FUT8: variants seen among roughly 807,000 people sequenced by gnomAD.
FUT8 encodes the protein fucosyltransferase 8.
FUT8 carries 29 observed loss-of-function variants against 71.3 expected under a neutral mutation model. The ratio of observed to expected loss-of-function variants is 0.41; its 90% CI spans 0.30 to 0.55. The LOEUF is 0.55. FUT8 is among the 20% of genes least tolerant of loss of function. The pLI, the probability that FUT8 is intolerant of heterozygous loss-of-function variation, is 0.34. For synonymous variants in FUT8, 254 were observed against 239.3 expected (o/e 1.06, Z -0.57); for missense variants, 544 against 702.1 (o/e 0.77, Z 2.55).
intron 3 of FUT8, among the ~76,000 whole-genome samples, chr14:65,566,784 C>T (rs1886218766): frequency 6.6e-6 from 1 of 151,954 alleles, no homozygotes; most frequent in Non-Finnish European, 1.5e-5. Flanking sequence ...TGTTAGAACA[C>T]ATGTAGTGGG....
intron 3 of FUT8, 29 bp downstream of exon 3, chr14:65,561,795 G>C (rs1420930047): frequency 1.3e-6 from 2 of 1,559,580 alleles, no homozygotes; most frequent in Non-Finnish European, 1.8e-6. Context: ...AATGAAGAAT[G>C]ATGAAATATT....
chr14:65,655,535 A>G (rs1396673526), intron 6 of FUT8, among the ~76,000 whole-genome samples: 1 of 152,058 alleles, frequency 6.6e-6, no homozygotes, highest in Non-Finnish European at 1.5e-5. Context: ...TAGACTTCAG[A>G]GCAAAGAAAA....
intron 2 of FUT8, among the ~76,000 whole-genome samples, chr14:65,555,040 T>C (rs1805912332): frequency 1.3e-5 from 2 of 152,180 alleles, no homozygotes; most frequent in African/African-American, 4.8e-5. Context: ...TAGACTTTGG[T>C]TTATGAGCCA....
At chr14:65,632,590 G>C (rs1771534605) in intron 6 of FUT8, among the ~76,000 whole-genome samples, 1 of 151,798 alleles carries the variant, frequency 6.6e-6, no homozygotes, top group Non-Finnish European at 1.5e-5. Context: ...TTACTGGTTT[G>C]AGTTCTTTGT....
chr14:65,656,094 TTACTC>T (rs1262015775), intron 6 of FUT8, among the ~76,000 whole-genome samples: 1 of 152,070 alleles, frequency 6.6e-6, no homozygotes, highest in Non-Finnish European at 1.5e-5. Context: ...ATAGTGCTGA[TTACTC>T]TAGGTAGAGT....
chr14:65,420,205 T>G (rs1325795994), intron 1 of FUT8, among the ~76,000 whole-genome samples: 1 of 152,128 alleles, frequency 6.6e-6, no homozygotes, highest in Non-Finnish European at 1.5e-5. Flanking sequence ...GAAAATAAAA[T>G]TACCAAAGAA....
intron 2 of FUT8, among the ~76,000 whole-genome samples, chr14:65,474,440 T>TAAAAAAAAAA (rs1236807241): frequency 1.6e-4 from 3 of 18,718 alleles, no homozygotes; most frequent in African/African-American, 2.4e-4. Context: ...CTGTCTCTAC[T>TAAAAAAAAAA]GAAAAAAAAA....
At chr14:65,450,659 G>C (rs1398525363) in intron 1 of FUT8, among the ~76,000 whole-genome samples, 1 of 151,928 alleles carries the variant, frequency 6.6e-6, no homozygotes, top group African/African-American at 2.4e-5. Flanking sequence ...TTCTAAAATG[G>C]GGTTTTTCTT....
At chr14:65,613,046 G>GTTT (rs140875409) in intron 3 of FUT8, among the ~76,000 whole-genome samples, 2 of 147,680 alleles carry the variant, frequency 1.4e-5, no homozygotes, top group South Asian at 4.3e-4. Context: ...TTCTTTTCCA[G>GTTT]TTTTTTTTTT....
chr14:65,435,900 C>T (rs1371213272), intron 1 of FUT8, among the ~76,000 whole-genome samples: 3 of 130,828 alleles, frequency 2.3e-5, no homozygotes, highest in Admixed American at 7.8e-5. Context: ...TTTTTATTTT[C>T]GTGTGCTTTA....
intron 3 of FUT8, among the ~76,000 whole-genome samples, chr14:65,610,209 T>C (rs770791358): frequency 6.6e-6 from 1 of 151,942 alleles, no homozygotes. Flanking sequence ...CTTGGTCTAC[T>C]GGCTAGAATT....
intron 1 of FUT8, among the ~76,000 whole-genome samples, chr14:65,421,812 C>T (rs1385371540): frequency 2.2e-5 from 3 of 134,598 alleles, no homozygotes; most frequent in South Asian, 2.4e-4. Context: ...TGTGGCAAAT[C>T]CTGTGAAGTC....
At chr14:65,510,879 G>C (rs1882296257) in intron 2 of FUT8, among the ~76,000 whole-genome samples, 1 of 151,762 alleles carries the variant, frequency 6.6e-6, no homozygotes, top group Non-Finnish European at 1.5e-5. Context: ...TTCATCTTTT[G>C]TATTTTCTTT....
intron 2 of FUT8, among the ~76,000 whole-genome samples, chr14:65,502,550 C>T (rs569644200): frequency 2.6e-5 from 4 of 152,166 alleles, no homozygotes; most frequent in African/African-American, 9.7e-5. Context: ...TGAGATAATT[C>T]TGTTACAGCT....
chr14:65,361,803 C>CAAAGA, the FUT8 span, among the ~76,000 whole-genome samples: 1 of 150,110 alleles, frequency 6.7e-6, no homozygotes, highest in African/African-American at 2.5e-5. Context: ...AACAAACAAA[C>CAAAGA]AAACAAATAA....
chr14:65,692,530 G>A (rs1470247310), intron 7 of FUT8, among the ~76,000 whole-genome samples: 14 of 129,948 alleles, frequency 1.1e-4, no homozygotes, highest in South Asian at 2.7e-4. Context: ...CCTCCCTCCC[G>A]GACGGGGCGG....
the FUT8 span, among the ~76,000 whole-genome samples, chr14:65,390,025 C>A: frequency 6.6e-6 from 1 of 151,064 alleles, no homozygotes. Context: ...CTTGTAATCC[C>A]AGCTACTTGG....
intron 10 of FUT8, among the ~76,000 whole-genome samples, chr14:65,741,863 G>A (rs551533734): frequency 5.9e-5 from 9 of 152,002 alleles, no homozygotes; most frequent in African/African-American, 1.9e-4. Context: ...GATTTTAATT[G>A]TAATAATCTT....
In FUT8 at chr14:65,576,534, G is replaced by T. The variant is rs200783203; in HGVS notation, c.203+14768G>T. On this transcript the variant is annotated intron_variant, in intron 3 of 10. Coordinates refer to ENST00000673929, the MANE Select transcript of FUT8 (RefSeq NM_001371533.1). ...ATCTTTTGTACTTGTTTCCGTTTTT[G>T]TTTTTTTTTCCCAAGACAGGGTCTT... 6.1e-3 allele frequency among the ~76,000 whole-genome samples: 903 copies of T among 149,186 alleles called. 10 individuals are homozygous for T. Among genetic ancestry groups the T allele is most frequent in the East Asian group, 0.034 (173 of 5,086 alleles).
Sources: gnomAD v4.1 joint callset for allele counts (sites outside exome capture counted in the v4.1 genomes callset) on GRCh38, gnomAD v4.1.1 for gene constraint, MANE v1.5 for transcripts, NCBI Gene and HGNC (gene_info 2026-07-23, HGNC 2026-07-21) for gene names.